SEH1L: variants seen among roughly 807,000 people sequenced by gnomAD.
SEH1L encodes nucleoporin SEH1.
SEH1L carries 18 observed loss-of-function variants against 49.5 expected under a neutral mutation model. The observed-to-expected ratio is 0.36, with a 90% CI of 0.25 to 0.54. SEH1L has a LOEUF of 0.54. SEH1L is among the 20% of genes least tolerant of loss of function. SEH1L has a pLI of 0.87. For synonymous variants in SEH1L, 169 were observed against 178.1 expected (o/e 0.95, Z 0.41); for missense variants, 404 against 528.8 (o/e 0.76, Z 2.31).
chr18:12,967,096 C>T (rs1301466527), intron 4 of SEH1L, among the ~76,000 whole-genome samples: 1 of 152,208 alleles, frequency 6.6e-6, no homozygotes, highest in Non-Finnish European at 1.5e-5. Context: ...TGCTGAATTA[C>T]AGTCAATTAT....
At chr18:12,950,773 A>G (rs57834325) in intron 1 of SEH1L, among the ~76,000 whole-genome samples, 2,150 of 152,264 alleles carry the variant, frequency 0.014, 58 homozygotes, top group African/African-American at 0.05. Flanking sequence ...TTAACAGGTG[A>G]AATTGGCACC....
At position 12,982,795 on chromosome 18, in the gene SEH1L, A is replaced by T. The variant is rs187876764; in HGVS notation, c.919+120A>T. On this transcript the variant is annotated intron_variant, in intron 7 of 8. Coordinates refer to ENST00000399892, the MANE Select transcript of SEH1L (RefSeq NM_001013437.2). ...CTTTTACAGTTACTTTTAATGTCAT[A>T]TTAATTTATGTTATTTTGAACATCA... 1.0e-4 allele frequency: 68 copies of T among 677,858 alleles called. 1 individual carries two copies. The highest frequency in any genetic ancestry group is 5.2e-4 in the Admixed American group (18 of 34,632). The allele number at this position is 677,858 out of a possible 1,614,324, so 42.0% of individuals were successfully genotyped here.
intron 3 of SEH1L, among the ~76,000 whole-genome samples, chr18:12,957,259 CT>C (rs2030922692): frequency 6.6e-6 from 1 of 151,936 alleles, no homozygotes; most frequent in African/African-American, 2.4e-5. Context: ...GAAACTCCCC[CT>C]CTACTAAAAA....
intron 4 of SEH1L, chr18:12,964,542 G>C (rs2031345556): frequency 6.6e-6 from 1 of 151,526 alleles, no homozygotes; most frequent in Non-Finnish European, 1.5e-5. Flanking sequence ...GATAGTTGTT[G>C]GAGTTATACT....
chr18:12,967,920 G>GA (rs1255968686), intron 4 of SEH1L, among the ~76,000 whole-genome samples: 5 of 142,540 alleles, frequency 3.5e-5, no homozygotes, highest in Non-Finnish European at 7.7e-5. Context: ...TCAAAAAAGA[G>GA]AAAAAAAAGA....
chr18:12,980,252 C>T (rs1486840212), intron 6 of SEH1L, among the ~76,000 whole-genome samples: 6 of 132,076 alleles, frequency 4.5e-5, no homozygotes, highest in Non-Finnish European at 9.8e-5. Context: ...GGCTGGCCCC[C>T]CCACCTCCCT....
chr18:12,954,934 T>G (rs2030763138), intron 2 of SEH1L, among the ~76,000 whole-genome samples: 1 of 152,244 alleles, frequency 6.6e-6, no homozygotes, highest in Admixed American at 6.5e-5. Flanking sequence ...AAGGAAACCC[T>G]GTGCTCATTT....
intron 2 of SEH1L, 86 bp downstream of exon 2, chr18:12,951,991 A>C: frequency 1.3e-6 from 1 of 764,164 alleles, no homozygotes; most frequent in Non-Finnish European, 2.1e-6. Context: ...TTGAGAAAAT[A>C]ACATTTATAC....
intron 6 of SEH1L, among the ~76,000 whole-genome samples, chr18:12,981,850 A>ATTTTTATTTTTTTT (rs1463077173): frequency 3.4e-5 from 3 of 88,190 alleles, no homozygotes; most frequent in Admixed American, 1.3e-4. Context: ...TGCCCTGCCC[A>ATTTTTATTTTTTTT]TTTTTTTTTT....
intron 3 of SEH1L, among the ~76,000 whole-genome samples, chr18:12,961,140 G>A (rs188989362): frequency 6.6e-6 from 1 of 152,288 alleles, no homozygotes; most frequent in Admixed American, 6.5e-5. Context: ...GAGGGGCTGC[G>A]TGTGCAGTGT....
chr18:12,962,570 C>T (rs984204789), intron 3 of SEH1L, among the ~76,000 whole-genome samples: 16 of 142,768 alleles, frequency 1.1e-4, no homozygotes, highest in Middle Eastern at 3.7e-3. Flanking sequence ...CTGGCTCAAG[C>T]GATCCACCCG....
intron 5 of SEH1L, chr18:12,973,906 A>G (rs2145646794): frequency 6.6e-6 from 1 of 152,324 alleles, no homozygotes; most frequent in South Asian, 2.1e-4. Flanking sequence ...CAGGTTTTAC[A>G]TGCTAATACA....
intron 3 of SEH1L, among the ~76,000 whole-genome samples, chr18:12,962,498 TACTC>T (rs535894151): frequency 9.1e-4 from 114 of 124,854 alleles, no homozygotes; most frequent in African/African-American, 3.5e-3. Context: ...GAGAGGGTCT[TACTC>T]TGTCACCCAG....
At chr18:12,983,560 A>ATTC (rs1335202697) in intron 7 of SEH1L, among the ~76,000 whole-genome samples, 1 of 152,236 alleles carries the variant, frequency 6.6e-6, no homozygotes, top group Non-Finnish European at 1.5e-5. Flanking sequence ...TCAAACTAAT[A>ATTC]AGGCCATTTT....
intron 2 of SEH1L, among the ~76,000 whole-genome samples, chr18:12,953,956 C>G (rs1242560661): frequency 1.3e-5 from 2 of 151,992 alleles, no homozygotes; most frequent in African/African-American, 4.8e-5. Flanking sequence ...AAACCTTATT[C>G]TTTAGATTGC....
chr18:12,963,133 T>C, intron 3 of SEH1L, 27 bp from the exon 4 acceptor site: 1 of 1,521,598 alleles, frequency 6.6e-7, no homozygotes, highest in African/African-American at 1.4e-5. Flanking sequence ...TTGTATATAA[T>C]TTAAATTGTT....
In SEH1L at chr18:12,955,437, T is replaced by G. The variant is rs200771866; in HGVS notation, c.163-26T>G. ...CCCTGGGATAATGAGTATCTGTTCT[T>G]TTCTTTTTTTTTTTTGATTCCCCAG... On this transcript the variant is annotated intron_variant, in intron 2 of 8. Transcript: ENST00000399892. 1.2e-3 allele frequency: 1,876 copies of G among 1,521,950 alleles called. 3 individuals are homozygous for G. The highest frequency in any genetic ancestry group is 1.6e-3 in the Admixed American group (75 of 47,550). The allele number at this position is 1,521,950 out of a possible 1,614,324, so 94.3% of individuals were successfully genotyped here.
intron 3 of SEH1L, among the ~76,000 whole-genome samples, chr18:12,962,227 C>T (rs1319074519): frequency 6.7e-6 from 1 of 148,358 alleles, no homozygotes; most frequent in Non-Finnish European, 1.5e-5. Flanking sequence ...GAGACCCCCC[C>T]ATCTCTATAA....
intron 2 of SEH1L, among the ~76,000 whole-genome samples, chr18:12,953,101 A>G (rs2030646674): frequency 6.6e-6 from 1 of 152,144 alleles, no homozygotes; most frequent in South Asian, 2.1e-4. Flanking sequence ...CTTTCTAGAA[A>G]TTTCATAGAA....
Sources: gnomAD v4.1 joint callset for allele counts (sites outside exome capture counted in the v4.1 genomes callset) on GRCh38, gnomAD v4.1.1 for gene constraint, MANE v1.5 for transcripts, NCBI Gene and HGNC (gene_info 2026-07-23, HGNC 2026-07-21) for gene names.